The following UBAP2 variants were observed in gnomAD, a reference collection of about 807,000 sequenced individuals.
UBAP2 encodes the protein ubiquitin associated protein 2.
Under a neutral mutation model 139.6 loss-of-function variants are expected in UBAP2, and 75 were observed. That is an observed-to-expected ratio of 0.54 (90% confidence interval 0.45 to 0.65). The LOEUF (loss-of-function observed/expected upper bound fraction) is 0.65. Among genes scored for constraint, UBAP2 ranks in the 30% least tolerant of loss-of-function variants. The probability of loss-of-function intolerance (pLI) is 0.00; values close to 1 mark genes in which losing one functional copy is unlikely to be tolerated. For synonymous variants in UBAP2, 526 were observed against 526.2 expected, an observed-to-expected ratio of 1.00 and a Z score of 0.01; for missense variants, 1,368 against 1,369.6, an observed-to-expected ratio of 1.00 and a Z score of 0.02.
chr9:33,979,752 C>A (rs1035545687), intron 6 of UBAP2, among the ~76,000 whole-genome samples: 1 of 151,858 alleles, frequency 6.6e-6, no homozygotes, highest in Non-Finnish European at 1.5e-5. Context: ...CCTGTAGTCC[C>A]AGCTACATGG....
At chr9:33,925,594 G>C (rs1350287750) in intron 22 of UBAP2, among the ~76,000 whole-genome samples, 1 of 152,184 alleles carries the variant, frequency 6.6e-6, no homozygotes, top group Non-Finnish European at 1.5e-5. Flanking sequence ...TTGGGCCTTT[G>C]GCCGGCAGAT....
chr9:33,935,115 C>T (rs1424987659), intron 17 of UBAP2, among the ~76,000 whole-genome samples: 1 of 140,744 alleles, frequency 7.1e-6, no homozygotes, highest in Non-Finnish European at 1.5e-5. Context: ...AAGCAATTAA[C>T]GGATTTACCT....
At chr9:33,997,343 A>T (rs916176480) in intron 3 of UBAP2, 16 of 152,308 alleles carry the variant, frequency 1.1e-4, no homozygotes, top group Admixed American at 9.8e-4. Context: ...TTTTAACTAC[A>T]TTTAACTATT....
Position 33,951,012 on chromosome 9 carries a change from C to T in UBAP2, c.1056+2273G>A, listed in dbSNP as rs544584196. On this transcript the variant is annotated intron_variant, in intron 12 of 28. Coordinates refer to ENST00000379238, the MANE Select transcript of UBAP2 (RefSeq NM_001370062.2). ...AATATCATCATCACTTCTGTTGCTG[C>T]TGTTATTTACTAGGTTCATTATTAA... Among the ~76,000 whole-genome samples the T allele has an allele frequency of 5.9e-5, 9 of 152,288 alleles. 1 individual carries two copies. The highest frequency in any genetic ancestry group is 5.9e-4 in the Admixed American group (9 of 15,300).
chr9:33,949,356 T>C (rs899198996), intron 12 of UBAP2, among the ~76,000 whole-genome samples: 4 of 152,090 alleles, frequency 2.6e-5, no homozygotes, highest in African/African-American at 4.8e-5. Context: ...TCTTTAATGA[T>C]TACAAGATGT....
chr9:33,993,524 T>A (rs1821890722), intron 4 of UBAP2, among the ~76,000 whole-genome samples: 1 of 152,122 alleles, frequency 6.6e-6, no homozygotes, highest in African/African-American at 2.4e-5. Context: ...TAAAAATGAT[T>A]AGCCAAGCGT....
chr9:34,027,426 A>G (rs1177964375), intron 1 of UBAP2, among the ~76,000 whole-genome samples: 2 of 151,808 alleles, frequency 1.3e-5, no homozygotes, highest in African/African-American at 4.8e-5. Flanking sequence ...AAAATAAACA[A>G]AAGAATCTGG....
At chr9:34,046,010 A>T (rs1287250045) in intron 1 of UBAP2, among the ~76,000 whole-genome samples, 1 of 152,214 alleles carries the variant, frequency 6.6e-6, no homozygotes, top group Non-Finnish European at 1.5e-5. Flanking sequence ...CATGGGTACC[A>T]TAACACTTAG....
At position 34,017,016 on chromosome 9, in the gene UBAP2, G is replaced by A. The variant is rs760345805; in HGVS notation, c.99+34C>T. 6.2e-5 allele frequency: 80 copies of A among 1,281,046 alleles called. No individual in the cohort carries two copies. The African/African-American group carries it at 6.4e-4, about 10-fold the overall frequency. 79.4% of individuals were successfully genotyped at this position (1,281,046 alleles called of 1,614,324 possible). ...AAGTATAATAATAAAAGAAAAAAAA[G>A]GAAAAAAAAAAAAAGAGTTCCACAA... On this transcript the variant is annotated intron_variant, in intron 2 of 28. Transcript: ENST00000379238.
intron 24 of UBAP2, 147 bp downstream of exon 24, chr9:33,923,648 C>T: frequency 9.4e-7 from 1 of 1,066,536 alleles, no homozygotes; most frequent in Non-Finnish European, 1.4e-6. Context: ...GAAAAGTGAC[C>T]TTGTCCCCAG....
intron 16 of UBAP2, among the ~76,000 whole-genome samples, chr9:33,938,332 T>C (rs1394406963): frequency 6.6e-6 from 1 of 152,088 alleles, no homozygotes; most frequent in Non-Finnish European, 1.5e-5. Context: ...TTTTTTGTCA[T>C]GTTGCTTAGG....
intron 1 of UBAP2, among the ~76,000 whole-genome samples, chr9:34,030,651 G>A (rs1463796356): frequency 6.6e-6 from 1 of 152,048 alleles, no homozygotes; most frequent in Non-Finnish European, 1.5e-5. Flanking sequence ...AAGGGGCCAG[G>A]CACGGTGGCT....
intron 1 of UBAP2, among the ~76,000 whole-genome samples, chr9:34,040,383 A>C (rs1826965937): frequency 6.6e-6 from 1 of 151,850 alleles, no homozygotes; most frequent in Non-Finnish European, 1.5e-5. Context: ...AGCCAACTAG[A>C]AGACTAAATA....
chr9:33,980,936 G>A (rs1399601694), intron 6 of UBAP2, among the ~76,000 whole-genome samples: 1 of 150,616 alleles, frequency 6.6e-6, no homozygotes, highest in Non-Finnish European at 1.5e-5. Flanking sequence ...GACAATGCAA[G>A]AACCTGTCTC....
chr9:33,960,743 G>T (rs1466939275), intron 10 of UBAP2, 83 bp downstream of exon 10: 2 of 1,384,898 alleles, frequency 1.4e-6, no homozygotes, highest in East Asian at 2.3e-5. Flanking sequence ...TCACGCCATT[G>T]CATTCCAGCC....
At chr9:33,944,710 T>G (rs1029215990) in intron 13 of UBAP2, 71 bp from the exon 14 acceptor site, 2 of 1,512,172 alleles carry the variant, frequency 1.3e-6, no homozygotes, top group Non-Finnish European at 1.8e-6. Flanking sequence ...CATGAAGTGT[T>G]CTATTACCAC....
At chr9:34,029,987 GA>G (rs56101358) in intron 1 of UBAP2, among the ~76,000 whole-genome samples, 127 of 98,952 alleles carry the variant, frequency 1.3e-3, no homozygotes, top group Non-Finnish European at 1.2e-3. Flanking sequence ...ACTCCATCTC[GA>G]AAAAAAAAAA....
At chr9:33,924,042 C>T (rs746194667) in intron 23 of UBAP2, 42 bp from the exon 24 acceptor site, 1 of 1,609,092 alleles carries the variant, frequency 6.2e-7, no homozygotes, top group South Asian at 1.1e-5. Flanking sequence ...CTTCCTCCAA[C>T]CAGAGAAAGG....
chr9:34,019,567 G>T lies in UBAP2; in HGVS notation c.-41-2378C>A, dbSNP rs1483493765. On this transcript the variant is annotated intron_variant, in intron 1 of 28. Coordinates refer to ENST00000379238, the MANE Select transcript of UBAP2 (RefSeq NM_001370062.2). ...CAGGTATGGAGTTTCTGTAGGGGAG[G>T]ATACAAAGGTTCGGAAGATGGACGG... 2.6e-5 allele frequency among the ~76,000 whole-genome samples: 4 copies of T among 152,046 alleles called. No homozygotes were observed. The East Asian group carries it at 5.8e-4, about 22-fold the overall frequency.
Sources: gnomAD v4.1 joint callset for allele counts (sites outside exome capture counted in the v4.1 genomes callset) on GRCh38, gnomAD v4.1.1 for gene constraint, MANE v1.5 for transcripts, NCBI Gene and HGNC (gene_info 2026-07-23, HGNC 2026-07-21) for gene names.